Variants in MPRIP observed in about 807,000 individuals in gnomAD.
MPRIP encodes myosin phosphatase Rho-interacting protein.
MPRIP carries 59 observed loss-of-function variants against 234.9 expected under a neutral mutation model. That is an observed-to-expected ratio of 0.25 (90% confidence interval 0.20 to 0.31). The LOEUF (loss-of-function observed/expected upper bound fraction) is 0.31. Ranked by LOEUF, MPRIP falls within the 10% of genes least tolerant of loss-of-function variation. MPRIP has a pLI of 1.00. For missense variants in MPRIP, 2,436 were observed against 3,071.0 expected (o/e 0.79, Z 4.89); for synonymous variants, 1,144 against 1,263.9 (o/e 0.91, Z 2.01).
At chr17:17,155,943 A>T (rs1419445895) in intron 13 of MPRIP, among the ~76,000 whole-genome samples, 1 of 152,222 alleles carries the variant, frequency 6.6e-6, no homozygotes, top group African/African-American at 2.4e-5. Flanking sequence ...CTCTTTTCCA[A>T]GCACCTTTAG....
chr17:17,166,177 G>A lies in MPRIP; in HGVS notation c.4586G>A (p.Gly1529Glu), dbSNP rs1281168509. The change falls in exon 16 of 24, where the codon GGG (glycine) becomes GAG (glutamate). Residue 1529 changes from glycine (G) to glutamate (E), a missense_variant. Physicochemically the swap from Gly to Glu is moderately conservative, Grantham distance 98. Around this residue, in one of 4 missense-constraint regions of MPRIP, gnomAD observed 1,998 missense variants for 2,520.3 expected, o/e 0.79. Coordinates refer to ENST00000651222, the MANE Select transcript of MPRIP (RefSeq NM_001364716.4). This position sits in a 1 kb window ranked among gnomAD's most constrained non-coding sequence, Gnocchi z 4.4. ...CACTGGCCGGCCCCAGCCCATGGCG[G>A]GGCCCGTGCACAGCTGGAGACAGGT... ...LQHWPAPAHG[G>E]ARAQLETGGT... 1 of 1,302,682 alleles carries A rather than the reference G, an allele frequency of 7.7e-7. No homozygotes were observed. The allele number at this position is 1,302,682 out of a possible 1,614,324, so 80.7% of individuals were successfully genotyped here. A position where few individuals can be genotyped will look rare whatever the true frequency, so the allele number is the denominator to read the frequency against.
At chr17:17,129,053 C>A (rs1273942878) in intron 4 of MPRIP, among the ~76,000 whole-genome samples, 3 of 152,168 alleles carry the variant, frequency 2.0e-5, no homozygotes, top group Admixed American at 1.3e-4. Flanking sequence ...AGTCTTCTTC[C>A]CAGGTCTTCT....
chr17:17,132,599 G>T (rs951774023), intron 5 of MPRIP, among the ~76,000 whole-genome samples: 1 of 152,226 alleles, frequency 6.6e-6, no homozygotes. Flanking sequence ...AGGTCAGGGA[G>T]CATGCACTGG....
Position 17,190,920 on chromosome 17 carries a change from C to G in MPRIP, c.*6026C>G, listed in dbSNP as rs1194893557. The G allele has an allele frequency of 6.6e-6, 1 of 152,128 alleles. No homozygotes were observed. Among genetic ancestry groups the G allele is most frequent in the African/African-American group, 2.4e-5 (1 of 41,408 alleles). 9.4% of individuals were successfully genotyped at this position (152,128 alleles called of 1,614,324 possible). A position where few individuals can be genotyped will look rare whatever the true frequency, so the allele number is the denominator to read the frequency against. ...TTTAGAGCAAGCAATGTAAATATTA[C>G]TGAGAAGTTACTGCAGGGATTTTTG... On this transcript the variant is annotated 3_prime_UTR_variant, in exon 24 of 24. Coordinates refer to ENST00000651222, the MANE Select transcript of MPRIP (RefSeq NM_001364716.4).
intron 5 of MPRIP, 125 bp downstream of exon 5, chr17:17,131,826 G>C (rs1476131135): frequency 1.3e-6 from 1 of 792,114 alleles, no homozygotes; most frequent in African/African-American, 1.7e-5. Context: ...CACCAACTCT[G>C]CACATCCTTG....
chr17:17,134,709 G>T (rs1054995557), intron 5 of MPRIP, among the ~76,000 whole-genome samples: 2 of 152,230 alleles, frequency 1.3e-5, no homozygotes, highest in Non-Finnish European at 2.9e-5. Context: ...TGGCCTTCCT[G>T]CTTCTGGAGC....
chr17:17,114,306 A>G (rs923789670), intron 3 of MPRIP, among the ~76,000 whole-genome samples: 1 of 152,106 alleles, frequency 6.6e-6, no homozygotes, highest in Admixed American at 6.5e-5. Context: ...TGTTTATTCT[A>G]GATACTAATA....
intron 19 of MPRIP, among the ~76,000 whole-genome samples, chr17:17,174,859 C>T (rs2046221406): frequency 1.3e-5 from 2 of 151,802 alleles, no homozygotes; most frequent in South Asian, 4.1e-4. Flanking sequence ...TAAATCCTGG[C>T]TAATGGAAAG....
In MPRIP at chr17:17,188,426, TAGTG is replaced by T. The variant is rs149351191; in HGVS notation, c.*3536_*3539del. 0.025 allele frequency: 3,765 copies of T among 152,376 alleles called. 156 individuals are homozygous for T. The highest frequency in any genetic ancestry group is 0.084 in the African/African-American group (3,496 of 41,542). 9.4% of individuals were successfully genotyped at this position (152,376 alleles called of 1,614,324 possible). On this transcript the variant is annotated 3_prime_UTR_variant, in exon 24 of 24. Transcript: ENST00000651222. ...GGAGAGCAAGGCCCCACAGCCTGCT[TAGTG>T]AGTTGGAAGGCCCAGCAAGAACCTG...
intron 7 of MPRIP, chr17:17,142,425 A>C: frequency 1.8e-6 from 1 of 569,378 alleles, no homozygotes. Flanking sequence ...GGTAGGGGCA[A>C]GCGCAGGCCT....
chr17:17,046,981 C>T (rs12938056), intron 1 of MPRIP, among the ~76,000 whole-genome samples: 119 of 152,226 alleles, frequency 7.8e-4, no homozygotes, highest in Non-Finnish European at 1.2e-3. Context: ...AGTTCAAGAC[C>T]AGCCTGGCCA....
At chr17:17,114,120 T>C (rs1042688832) in intron 3 of MPRIP, among the ~76,000 whole-genome samples, 15 of 152,208 alleles carry the variant, frequency 9.9e-5, no homozygotes, top group African/African-American at 3.6e-4. Context: ...CTCAAACTTC[T>C]GGCCCCAAGC....
chr17:17,117,382 G>T (rs544734326), intron 3 of MPRIP, among the ~76,000 whole-genome samples: 8 of 152,288 alleles, frequency 5.3e-5, no homozygotes, highest in South Asian at 4.1e-4. Flanking sequence ...CCCTCCCCTA[G>T]CCCCTGGCAA....
rs1342257082 is a variant in MPRIP at position 17,164,514 on chromosome 17, G to A, written c.2923G>A (p.Gly975Ser). 1.7e-6 allele frequency: 2 copies of A among 1,210,194 alleles called. No individual in the cohort carries two copies. The highest frequency in any genetic ancestry group is 5.8e-5 in the East Asian group (1 of 17,388). 75.0% of individuals were successfully genotyped at this position (1,210,194 alleles called of 1,614,324 possible). A position where few individuals can be genotyped will look rare whatever the true frequency, so the allele number is the denominator to read the frequency against. Reference sequence around the variant, plus strand: ...GCTGGAGAAGACGCAGGAGCTACGGGGCCTGGAGACACAGCAGGCGCTGCA... The same window carrying A: ...GCTGGAGAAGACGCAGGAGCTACGGAGCCTGGAGACACAGCAGGCGCTGCA... The part of the protein sequence containing the change: ...LLLEKTQELR[G>S]LETQQALQRD... Residue 975 changes from glycine to serine, a missense_variant, in exon 16 of 24, where the codon GGC becomes AGC. By Grantham distance (56) the Gly-to-Ser change is moderately conservative. This residue lies in a region of MPRIP where 1,998 missense variants were observed against 2,520.3 expected (regional missense o/e 0.79). Transcript: ENST00000651222.
chr17:17,161,263 C>G lies in MPRIP; in HGVS notation c.2424C>G (p.Ala808=), dbSNP rs777142060. ...EKELEQSQKE[A]SDLLEQNRLL... ...AGCTGGAGCAGAGCCAGAAGGAGGC[C>G]TCAGACCTTCTGGAGCAGAACCGGC... The change falls in exon 15 of 24, where the codon GCC becomes GCG. Residue 808 remains alanine (A), a synonymous_variant. Coordinates refer to ENST00000651222, the MANE Select transcript of MPRIP (RefSeq NM_001364716.4). 4 of 1,602,906 alleles carry G rather than the reference C, an allele frequency of 2.5e-6. No individual in the cohort carries two copies. The South Asian group carries it at 4.4e-5, about 18-fold the overall frequency.
chr17:17,157,757 G>A (rs2045760291), intron 13 of MPRIP, among the ~76,000 whole-genome samples: 1 of 152,000 alleles, frequency 6.6e-6, no homozygotes, highest in Non-Finnish European at 1.5e-5. Context: ...GAACCCAGCA[G>A]GCAGAGGTTG....
At chr17:17,072,839 C>T (rs914037784) in intron 1 of MPRIP, among the ~76,000 whole-genome samples, 2 of 152,182 alleles carry the variant, frequency 1.3e-5, no homozygotes, top group African/African-American at 4.8e-5. Flanking sequence ...ACCTGTGCAT[C>T]AGCTGCGCCC....
chr17:17,152,803 G>T (rs1341667204), intron 12 of MPRIP, among the ~76,000 whole-genome samples: 6 of 152,232 alleles, frequency 3.9e-5, no homozygotes, highest in Non-Finnish European at 7.3e-5. Flanking sequence ...GCACGGTAAA[G>T]CTGGGCAAGA....
At chr17:17,082,432 A>T (rs1597773746) in intron 3 of MPRIP, among the ~76,000 whole-genome samples, 1 of 151,154 alleles carries the variant, frequency 6.6e-6, no homozygotes, top group African/African-American at 2.4e-5. Flanking sequence ...AGTAGCTGGG[A>T]TTACAGGCAT....
Sources: allele counts gnomAD v4.1 joint callset (sites outside exome capture counted in the v4.1 genomes callset), GRCh38; gene constraint gnomAD v4.1.1; regional missense constraint gnomAD v4.1.1; non-coding constraint Gnocchi (gnomAD v3.1); transcripts MANE v1.5; gene names NCBI Gene and HGNC (gene_info 2026-07-23, HGNC 2026-07-21).